The following PLXNA4 variants were observed in gnomAD, a reference collection of about 807,000 sequenced individuals.
PLXNA4 encodes the protein plexin A4.
PLXNA4 carries 44 observed loss-of-function variants against 191.8 expected under a neutral mutation model. That is an observed-to-expected ratio of 0.23 (90% CI 0.18 to 0.29). The LOEUF (loss-of-function observed/expected upper bound fraction) is 0.29, where lower values mean the gene tolerates loss of function less well. Ranked by LOEUF, PLXNA4 falls within the 10% of genes least tolerant of loss-of-function variation. The pLI, the probability that PLXNA4 is intolerant of heterozygous loss-of-function variation, is 1.00. For synonymous variants in PLXNA4, 1,082 were observed against 1,009.5 expected, an observed-to-expected ratio of 1.07 and a Z score of -1.36; for missense variants, 1,800 against 2,488.8, an observed-to-expected ratio of 0.72 and a Z score of 5.89.
At chr7:132,538,902 T>A (rs909186697) in intron 1 of PLXNA4, among the ~76,000 whole-genome samples, 1 of 152,198 alleles carries the variant, frequency 6.6e-6, no homozygotes, top group African/African-American at 2.4e-5. Flanking sequence ...GTTGACATTG[T>A]GAAAAGCAGA....
intron 2 of PLXNA4, among the ~76,000 whole-genome samples, chr7:132,632,654 A>T (rs1355724594): frequency 6.6e-6 from 1 of 152,244 alleles, no homozygotes; most frequent in African/African-American, 2.4e-5. Context: ...AAAATTGCCA[A>T]GTTTATATTT....
chr7:132,198,639 G>T lies in PLXNA4; in HGVS notation c.2587-3C>A, dbSNP rs376230075. On this transcript the variant is annotated splice_region_variant and splice_polypyrimidine_tract_variant and intron_variant, in intron 12 of 31. Coordinates refer to ENST00000321063, the MANE Select transcript of PLXNA4 (RefSeq NM_020911.2). ...CGGGGGCCTGTCACCGGGATTATCT[G>T]GAGGGAGGAAGAGAAATAATTAGAC... The T allele has an allele frequency of 1.8e-5, 29 of 1,613,842 alleles. No homozygotes were observed. The African/African-American group carries it at 3.7e-4, about 21-fold the overall frequency.
chr7:132,340,413 G>C (rs900194492), intron 3 of PLXNA4, among the ~76,000 whole-genome samples: 4 of 152,184 alleles, frequency 2.6e-5, no homozygotes, highest in Non-Finnish European at 4.4e-5. Flanking sequence ...GGCTTCCAAG[G>C]CACCTGGATG....
rs527381291 is a variant in PLXNA4, at chr7:132,158,819, T to C, written c.4660+654A>G. Among the ~76,000 whole-genome samples the C allele has an allele frequency of 1.9e-4, 29 of 152,322 alleles. No homozygotes were observed. In the South Asian group the frequency reaches 5.8e-3, roughly 31 times the overall value. On this transcript the variant is annotated intron_variant, in intron 25 of 31. Coordinates refer to ENST00000321063, the MANE Select transcript of PLXNA4 (RefSeq NM_020911.2). ...CCATGAGGATTTCCCCAGGATGGCA[T>C]CCTATGAAATGCTTATGCAAACCAT...
intron 1 of PLXNA4, among the ~76,000 whole-genome samples, chr7:132,555,557 G>T (rs1185628712): frequency 6.6e-6 from 1 of 152,200 alleles, no homozygotes; most frequent in East Asian, 1.9e-4. Context: ...GTGTCAAGCA[G>T]TGTGCAAGCT....
chr7:132,165,035 G>C, intron 23 of PLXNA4, 99 bp downstream of exon 23: 1 of 1,501,098 alleles, frequency 6.7e-7, no homozygotes, highest in Admixed American at 2.0e-5. Flanking sequence ...ATAAGAGCCA[G>C]GCCCAGTAAG....
chr7:132,198,700 G>A, intron 12 of PLXNA4, 64 bp from the exon 13 acceptor site: 1 of 1,580,996 alleles, frequency 6.3e-7, no homozygotes, highest in Non-Finnish European at 8.6e-7. Context: ...TGCTGATGAG[G>A]CAAGGAGAGG....
chr7:132,523,962 C>T (rs79766362), intron 1 of PLXNA4, among the ~76,000 whole-genome samples: 4,996 of 152,194 alleles, frequency 0.033, 271 homozygotes, highest in African/African-American at 0.11. Context: ...GGTTGATGCT[C>T]AAGAGAACAA....
chr7:132,506,770 C>T (rs1245781905), intron 2 of PLXNA4, among the ~76,000 whole-genome samples: 1 of 152,202 alleles, frequency 6.6e-6, no homozygotes, highest in Non-Finnish European at 1.5e-5. Context: ...TCCTGCTCTC[C>T]CTCTGGCTCC....
At chr7:132,636,090 AG>A (rs1182930092) in intron 2 of PLXNA4, among the ~76,000 whole-genome samples, 1 of 152,194 alleles carries the variant, frequency 6.6e-6, no homozygotes, top group African/African-American at 2.4e-5. Flanking sequence ...TGTGAGGAAA[AG>A]CATCCACTAT....
intron 1 of PLXNA4, among the ~76,000 whole-genome samples, chr7:132,564,021 TCTCCTCCTCCTTCTC>T (rs1324597420): frequency 0.24 from 4,584 of 18,892 alleles, 468 homozygotes; most frequent in Non-Finnish European, 0.32. Flanking sequence ...TCCTCCTCCT[TCTCCTCCTCCTTCTC>T]CTCCTTTTCC....
intron 1 of PLXNA4, among the ~76,000 whole-genome samples, chr7:132,561,526 C>CTCT (rs1801067608): frequency 8.7e-6 from 1 of 114,422 alleles, no homozygotes. Flanking sequence ...CCTTCTCCTC[C>CTCT]TCCTCCTTCT....
chr7:132,366,119 G>C (rs1280760804), intron 3 of PLXNA4: 1 of 152,210 alleles, frequency 6.6e-6, no homozygotes, highest in Non-Finnish European at 1.5e-5. Flanking sequence ...CAAAAACATT[G>C]TGCAGGAGCC....
At chr7:132,416,923 T>C (rs1378071469) in intron 3 of PLXNA4, among the ~76,000 whole-genome samples, 2 of 152,070 alleles carry the variant, frequency 1.3e-5, no homozygotes, top group African/African-American at 4.8e-5. Flanking sequence ...GTTGCTTCTC[T>C]ACAAGCTACT....
intron 3 of PLXNA4, chr7:132,365,788 G>A (rs760016264): frequency 2.6e-5 from 4 of 152,294 alleles, no homozygotes; most frequent in Non-Finnish European, 4.4e-5. Context: ...CTTTGAGAAC[G>A]TTAAAAAGTG....
chr7:132,397,472 AG>A (rs1277580330), intron 3 of PLXNA4, among the ~76,000 whole-genome samples: 1 of 152,226 alleles, frequency 6.6e-6, no homozygotes, highest in African/African-American at 2.4e-5. Flanking sequence ...AGGTAGGATT[AG>A]GTGCTTTATT....
At chr7:132,243,796 C>T (rs1031339346) in intron 4 of PLXNA4, among the ~76,000 whole-genome samples, 10 of 151,968 alleles carry the variant, frequency 6.6e-5, no homozygotes, top group Non-Finnish European at 1.5e-4. Context: ...TATCCCAATC[C>T]TCCTTGTACT....
At chr7:132,588,923 A>G (rs1802557327) in intron 2 of PLXNA4, among the ~76,000 whole-genome samples, 1 of 151,958 alleles carries the variant, frequency 6.6e-6, no homozygotes. Flanking sequence ...TAGAGAGAGG[A>G]GTGATGATGA....
intron 3 of PLXNA4, among the ~76,000 whole-genome samples, chr7:132,394,508 A>C (rs1228588832): frequency 6.6e-6 from 1 of 152,192 alleles, no homozygotes; most frequent in Admixed American, 6.5e-5. Context: ...TGAGTCTGTG[A>C]TTCTAGCTGT....
Sources: gnomAD v4.1 joint callset for allele counts (sites outside exome capture counted in the v4.1 genomes callset) on GRCh38, gnomAD v4.1.1 for gene constraint, MANE v1.5 for transcripts, NCBI Gene and HGNC (gene_info 2026-07-23, HGNC 2026-07-21) for gene names.